The following HAUS6 variants were observed in gnomAD, a reference collection of about 807,000 sequenced individuals.
HAUS6 encodes HAUS augmin-like complex subunit 6.
In HAUS6, 80 loss-of-function variants were observed where a neutral mutation model predicts 106.8. The observed-to-expected ratio is 0.75, with a 90% CI of 0.63 to 0.90. HAUS6 has a LOEUF of 0.90. Among genes scored for constraint, HAUS6 ranks in the 40% least tolerant of loss-of-function variants. HAUS6 has a pLI of 0.00. For synonymous variants in HAUS6, 356 were observed against 379.1 expected (o/e 0.94, Z 0.71); for missense variants, 1,155 against 1,118.1 (o/e 1.03, Z -0.47).
chr9:19,094,373 G>C lies in HAUS6; in HGVS notation c.247C>G (p.Gln83Glu). The change falls in exon 3 of 17, where the codon CAA (glutamine) becomes GAA (glutamate). Residue 83 changes from glutamine to glutamate, a missense_variant. Gln to Glu is a conservative substitution (Grantham distance 29). Around this residue, in one of 3 missense-constraint regions of HAUS6, gnomAD observed 761 missense variants for 690.0 expected, o/e 1.10. Transcript: ENST00000380502. ...TTTCGGAATTCAGTGTCACTTTTTTGGTCAAATGGGGGCCAACAAAATCTG... is the reference window on the plus strand; with the variant it reads ...TTTCGGAATTCAGTGTCACTTTTTTCGTCAAATGGGGGCCAACAAAATCTG... ...VFKFCWPPFD[Q>E]KSDTEFRKHC... 2 of 1,603,642 alleles carry C rather than the reference G, an allele frequency of 1.2e-6. No homozygotes were observed. The highest frequency in any genetic ancestry group is 1.3e-5 in the African/African-American group (1 of 74,516).
intron 8 of HAUS6, among the ~76,000 whole-genome samples, 200 bp downstream of exon 8, chr9:19,082,673 G>T (rs974806570): frequency 2.0e-5 from 3 of 151,968 alleles, no homozygotes; most frequent in Admixed American, 6.6e-5. Context: ...TTGAACCTGG[G>T]AGGCGGAGGT....
Position 19,063,207 on chromosome 9 carries a change from A to G in HAUS6, c.1444-14T>C, listed in dbSNP as rs1564008074. Reference sequence around the variant, plus strand: ...CATCTTTGTGTCCTGAAGAAGACAGATATGTAATGTTAAACCCTTAATAAT... The same window carrying G: ...CATCTTTGTGTCCTGAAGAAGACAGGTATGTAATGTTAAACCCTTAATAAT... On this transcript the variant is annotated splice_polypyrimidine_tract_variant and intron_variant, in intron 13 of 16. Coordinates refer to ENST00000380502, the MANE Select transcript of HAUS6 (RefSeq NM_017645.5). 3 of 1,546,278 alleles carry G rather than the reference A, an allele frequency of 1.9e-6. No homozygotes were observed.
intron 12 of HAUS6, among the ~76,000 whole-genome samples, chr9:19,069,475 G>C (rs1036947597): frequency 6.6e-6 from 1 of 152,132 alleles, no homozygotes; most frequent in Non-Finnish European, 1.5e-5. Flanking sequence ...GATCACCTGA[G>C]ATCAGGAGTT....
chr9:19,090,509 T>G (rs1329762484), intron 4 of HAUS6, among the ~76,000 whole-genome samples: 3 of 152,020 alleles, frequency 2.0e-5, no homozygotes, highest in Non-Finnish European at 4.4e-5. Flanking sequence ...GGACTACAGG[T>G]GCCCGCCACC....
chr9:19,087,009 T>G lies in HAUS6; in HGVS notation c.650+82A>C, dbSNP rs1485982833. 1.1e-5 allele frequency: 8 copies of G among 740,950 alleles called. No individual in the cohort carries two copies. The East Asian group carries it at 1.2e-4, about 11-fold the overall frequency. 45.9% of individuals were successfully genotyped at this position (740,950 alleles called of 1,614,324 possible). ...TTGATATATTATTTTAATTAATGTT[T>G]GTGGGAGTCTGTTTCCTAGCCTGTA... is the stretch of plus-strand genomic sequence containing the variant. On this transcript the variant is annotated intron_variant, in intron 6 of 16. Transcript: ENST00000380502.
intron 14 of HAUS6, 85 bp downstream of exon 14, chr9:19,062,923 C>T (rs1352821600): frequency 4.8e-6 from 5 of 1,032,258 alleles, no homozygotes; most frequent in Non-Finnish European, 7.3e-6. Context: ...GCCGAAACCT[C>T]CCCAAGTGTT....
intron 14 of HAUS6, among the ~76,000 whole-genome samples, chr9:19,062,492 ATAT>A (rs1434161886): frequency 6.6e-6 from 1 of 152,212 alleles, no homozygotes; most frequent in Middle Eastern, 3.2e-3. Context: ...CACAGATGTA[ATAT>A]TAGCTAAATA....
Position 19,071,304 on chromosome 9 carries a change from G to C in HAUS6, c.1295-1004C>G, listed in dbSNP as rs138564029. The stretch of plus-strand genomic sequence containing the variant: ...GAAAATACCTAGAATGAAGCCATGA[G>C]ATACAAAAAAGTTGTAAATATGAAT... On this transcript the variant is annotated intron_variant, in intron 11 of 16. Coordinates refer to ENST00000380502, the MANE Select transcript of HAUS6 (RefSeq NM_017645.5). 1.1e-4 allele frequency among the ~76,000 whole-genome samples: 17 copies of C among 152,204 alleles called. No homozygotes were observed. In the East Asian group the frequency reaches 3.3e-3, roughly 29 times the overall value.
chr9:19,058,839 G>A lies in HAUS6; in HGVS notation c.1928C>T (p.Thr643Ile). 1 of 1,614,152 alleles carries A rather than the reference G, an allele frequency of 6.2e-7. No individual in the cohort carries two copies. Among genetic ancestry groups the A allele is most frequent in the Non-Finnish European group, 8.5e-7 (1 of 1,179,996 alleles). The part of the protein sequence containing the change: ...EFSMADFLLE[T>I]TVSDFGQSHL... ...AGACTGGCCAAAATCTGATACAGTGGTTTCTAAGAGAAAATCAGCCATGCT... is the reference window on the plus strand; with the variant it reads ...AGACTGGCCAAAATCTGATACAGTGATTTCTAAGAGAAAATCAGCCATGCT... The change falls in exon 16 of 17, where the codon ACC becomes ATC. Residue 643 changes from threonine to isoleucine, a missense_variant. By Grantham distance (89) the Thr-to-Ile change is moderately conservative. Coordinates refer to ENST00000380502, the MANE Select transcript of HAUS6 (RefSeq NM_017645.5).
rs769996829 is a variant in HAUS6, at chr9:19,056,305, A to G, written c.*38T>C. The G allele has an allele frequency of 3.2e-6, 3 of 933,274 alleles. No homozygotes were observed. The South Asian group carries it at 4.1e-5, about 13-fold the overall frequency. The allele number at this position is 933,274 out of a possible 1,614,324, so 57.8% of individuals were successfully genotyped here. On this transcript the variant is annotated 3_prime_UTR_variant, in exon 17 of 17. Coordinates refer to ENST00000380502, the MANE Select transcript of HAUS6 (RefSeq NM_017645.5). ...TTTTCTATCCTGTGGCATAGCTTCA[A>G]TTTAAGTGCATCATAGTTATATTAA...
intron 11 of HAUS6, among the ~76,000 whole-genome samples, chr9:19,076,135 C>A (rs1393126017): frequency 6.7e-6 from 1 of 150,140 alleles, no homozygotes; most frequent in Non-Finnish European, 1.5e-5. Flanking sequence ...TGAGACGGGT[C>A]AATCATTTGA....
rs1015387752 is a variant in HAUS6 at position 19,083,084 on chromosome 9, C to G, written c.700-41G>C. On this transcript the variant is annotated intron_variant, in intron 7 of 16. Transcript: ENST00000380502. ...CAAAATATTAAAGTCCACACATAAT[C>G]TGTACATATTTTAAAAATGTAAATG... 9.5e-6 allele frequency: 12 copies of G among 1,262,814 alleles called. No homozygotes were observed. In the Admixed American group the frequency reaches 1.5e-4, roughly 16 times the overall value. The allele number at this position is 1,262,814 out of a possible 1,614,324, so 78.2% of individuals were successfully genotyped here. A position where few individuals can be genotyped will look rare whatever the true frequency, so the allele number is the denominator to read the frequency against.
chr9:19,086,068 T>C (rs1357755364), intron 7 of HAUS6, among the ~76,000 whole-genome samples: 3 of 151,584 alleles, frequency 2.0e-5, no homozygotes, highest in Non-Finnish European at 4.4e-5. Context: ...TCCCAGCACT[T>C]TGGGAGACTG....
chr9:19,102,453 C>A (rs1206504795), intron 1 of HAUS6, 71 bp downstream of exon 1: 1 of 1,518,796 alleles, frequency 6.6e-7, no homozygotes, highest in East Asian at 2.3e-5. Flanking sequence ...CCTCCGGGGT[C>A]TACAAAAGGG....
chr9:19,059,975 C>G (rs1420034978), intron 15 of HAUS6, 113 bp downstream of exon 15: 4 of 751,802 alleles, frequency 5.3e-6, no homozygotes, highest in South Asian at 2.0e-5. Context: ...TCGATTACAA[C>G]AGCATAAATA....
At chr9:19,057,601 T>C in intron 16 of HAUS6, 1 of 249,058 alleles carries the variant, frequency 4.0e-6, no homozygotes. Context: ...CCCCCAGATA[T>C]TACACCATTA....
chr9:19,098,162 C>T (rs180816759), intron 1 of HAUS6, among the ~76,000 whole-genome samples: 240 of 152,244 alleles, frequency 1.6e-3, no homozygotes, highest in Non-Finnish European at 2.9e-3. Context: ...TGTAAGGGGT[C>T]GGGTGCAGCG....
chr9:19,063,401 T>G (rs936070692), intron 13 of HAUS6, 113 bp downstream of exon 13: 17 of 666,714 alleles, frequency 2.5e-5, no homozygotes, highest in Non-Finnish European at 3.8e-5. Flanking sequence ...AATGTACAAA[T>G]AGTAGAAAAT....
intron 12 of HAUS6, among the ~76,000 whole-genome samples, chr9:19,066,252 A>G (rs1016495422): frequency 1.3e-5 from 2 of 151,920 alleles, no homozygotes; most frequent in Non-Finnish European, 2.9e-5. Context: ...AAATTTATAT[A>G]TCGTGGTATA....
Sources: allele counts gnomAD v4.1 joint callset (sites outside exome capture counted in the v4.1 genomes callset), GRCh38; gene constraint gnomAD v4.1.1; regional missense constraint gnomAD v4.1.1; transcripts MANE v1.5; gene names NCBI Gene and HGNC (gene_info 2026-07-23, HGNC 2026-07-21).